The following ARHGEF16 variants were observed in gnomAD, a reference collection of about 807,000 sequenced individuals.
ARHGEF16 encodes the protein Rho guanine exchange factor (GEF) 16.
In ARHGEF16, 59 loss-of-function variants were observed where a neutral mutation model predicts 74.1. The observed-to-expected ratio is 0.80, with a 90% confidence interval of 0.65 to 0.99. The LOEUF (loss-of-function observed/expected upper bound fraction) is 0.99. ARHGEF16 is among the 50% of genes least tolerant of loss of function. The pLI is 0.00. For synonymous variants in ARHGEF16, 415 were observed against 412.6 expected, an observed-to-expected ratio of 1.01 and a Z score of -0.07; for missense variants, 948 against 986.6, an observed-to-expected ratio of 0.96 and a Z score of 0.52.
At chr1:3,457,937 G>A (rs1032664726) in intron 1 of ARHGEF16, among the ~76,000 whole-genome samples, 2 of 152,162 alleles carry the variant, frequency 1.3e-5, no homozygotes, top group Admixed American at 1.3e-4. Flanking sequence ...CCACCCTGAG[G>A]AGAAGCAGCA....
At chr1:3,463,801 C>A in intron 2 of ARHGEF16, 129 bp downstream of exon 2, 2 of 756,524 alleles carry the variant, frequency 2.6e-6, no homozygotes, top group African/African-American at 1.8e-5. Flanking sequence ...CATGAGGGCT[C>A]TCGACTGGTT....
rs953079350 is a variant in ARHGEF16 at position 3,469,037 on chromosome 1, G to C, written c.861+101G>C. 9 of 1,406,136 alleles carry C rather than the reference G, an allele frequency of 6.4e-6. No homozygotes were observed. In the Admixed American group the frequency reaches 9.9e-5, roughly 15 times the overall value. 87.1% of individuals were successfully genotyped at this position (1,406,136 alleles called of 1,614,324 possible). A position where few individuals can be genotyped will look rare whatever the true frequency, so the allele number is the denominator to read the frequency against. On this transcript the variant is annotated intron_variant, in intron 5 of 14. Transcript: ENST00000378378. ...GGTGGCACCACCCAGCCATCCCTCT[G>C]CGGCCACCTCCAGTGCCAGGCCCTG...
At chr1:3,478,384 C>T in intron 11 of ARHGEF16, 40 bp from the exon 12 acceptor site, 1 of 1,549,366 alleles carries the variant, frequency 6.5e-7, no homozygotes, top group Non-Finnish European at 8.8e-7. Context: ...TGGGTAGGAG[C>T]TGGGTGGGAC....
Position 3,466,066 on chromosome 1 carries a change from T to C in ARHGEF16, c.589-82T>C, listed in dbSNP as rs945457739. ...GCTTCGCATGTGGAGCCGAGAGGTC[T>C]CTGGGGTCCCAGGGCAGAATCGCCG... On this transcript the variant is annotated intron_variant, in intron 2 of 14. Transcript: ENST00000378378. The C allele has an allele frequency of 2.7e-6, 4 of 1,479,500 alleles. No homozygotes were observed. In the African/African-American group the frequency reaches 5.7e-5, roughly 21 times the overall value. 91.6% of individuals were successfully genotyped at this position (1,479,500 alleles called of 1,614,324 possible).
chr1:3,479,779 C>T (rs745927885), intron 13 of ARHGEF16, 33 bp from the exon 14 acceptor site: 19 of 1,605,100 alleles, frequency 1.2e-5, no homozygotes, highest in Middle Eastern at 1.7e-4. Flanking sequence ...CCATGCCTCC[C>T]GACAGCCCTG....
chr1:3,467,201 G>T lies in ARHGEF16; in HGVS notation c.668G>T (p.Gly223Val), dbSNP rs1268230976. ...CTCTACCAGGAGATCCAGGAGCGGG[G>T]CCTGAACACCAGCCAGGAGTCTGAT... Reference protein sequence around the residue: ...PQLYQEIQERGLNTSQESDDD... With the variant: ...PQLYQEIQERVLNTSQESDDD... The change falls in exon 4 of 15, where the codon GGC (glycine) becomes GTC (valine). Residue 223 changes from glycine to valine, a missense_variant. By Grantham distance (109) the Gly-to-Val change is moderately radical (BLOSUM62 -3). Transcript: ENST00000378378. 1 of 1,550,650 alleles carries T rather than the reference G, an allele frequency of 6.4e-7. No individual in the cohort carries two copies. The highest frequency in any genetic ancestry group is 8.7e-7 in the Non-Finnish European group (1 of 1,146,870).
intron 4 of ARHGEF16, 122 bp downstream of exon 4, chr1:3,467,459 G>GA: frequency 8.2e-7 from 1 of 1,226,726 alleles, no homozygotes; most frequent in Non-Finnish European, 1.1e-6. Flanking sequence ...TCCCAGGGAG[G>GA]GTGGGCAGCC....
chr1:3,455,279 C>G (rs905671064), intron 1 of ARHGEF16, among the ~76,000 whole-genome samples: 8 of 152,148 alleles, frequency 5.3e-5, no homozygotes, highest in African/African-American at 1.9e-4. Context: ...ACACCCAAAC[C>G]TGCTTTGGCC....
intron 3 of ARHGEF16, 101 bp downstream of exon 3, chr1:3,466,294 G>A: frequency 3.9e-6 from 5 of 1,293,680 alleles, no homozygotes; most frequent in Non-Finnish European, 5.3e-6. Context: ...GGTGTCTCGG[G>A]GTCACCAAAG....
Position 3,478,237 on chromosome 1 carries a change from C to G in ARHGEF16, c.1626-187C>G, listed in dbSNP as rs558197627. 1.0e-5 allele frequency: 9 copies of G among 897,368 alleles called. No homozygotes were observed. The East Asian group carries it at 1.3e-4, about 13-fold the overall frequency. 55.6% of individuals were successfully genotyped at this position (897,368 alleles called of 1,614,324 possible). On this transcript the variant is annotated intron_variant, in intron 11 of 14. Transcript: ENST00000378378. ...ACCTCCTCTGCAGACCTGGGTCTGC[C>G]GGTGATAGCCACGAGGAGGACTCGA...
At chr1:3,477,800 G>C in intron 10 of ARHGEF16, 75 bp from the exon 11 acceptor site, 1 of 1,444,836 alleles carries the variant, frequency 6.9e-7, no homozygotes. Context: ...TTGACCCCCT[G>C]GGGACCTGCT....
In ARHGEF16 at chr1:3,479,559, G is replaced by A; in HGVS notation, c.1857G>A (p.Glu619=). The part of the protein sequence containing the change: ...ARWIVALTHS[E]RQWQGLSSKG... Reference sequence around the variant, plus strand: ...GGATCGTGGCGCTCACACACAGTGAGAGACAGTGGCAGGGCCTCTCCAGCA... The same window carrying A: ...GGATCGTGGCGCTCACACACAGTGAAAGACAGTGGCAGGGCCTCTCCAGCA... The change falls in exon 13 of 15, where the codon GAG becomes GAA. Residue 619 remains glutamate (E), a synonymous_variant. Coordinates refer to ENST00000378378, the MANE Select transcript of ARHGEF16 (RefSeq NM_014448.4). The A allele has an allele frequency of 6.2e-7, 1 of 1,612,628 alleles. No homozygotes were observed. Among genetic ancestry groups the A allele is most frequent in the South Asian group, 1.1e-5 (1 of 91,052 alleles).
chr1:3,477,310 C>G (rs1173205332), intron 10 of ARHGEF16, among the ~76,000 whole-genome samples: 20 of 147,162 alleles, frequency 1.4e-4, no homozygotes, highest in Middle Eastern at 3.6e-3. Flanking sequence ...CCCGTCACCC[C>G]CACACTACCC....
Position 3,476,001 on chromosome 1 carries a change from G to C in ARHGEF16, c.1412G>C (p.Arg471Thr). ...LVRQCNEGAHRMERMEQMYTL... is the reference protein window; with the variant it reads ...LVRQCNEGAHTMERMEQMYTL... ...AGGCAGTGCAACGAGGGGGCCCACA[G>C]GATGGAGCGCATGGAGCAGATGTAC... Residue 471 changes from arginine (R) to threonine (T), a missense_variant, in exon 10 of 15, where the codon AGG (arginine) becomes ACG (threonine). Transcript: ENST00000378378. The C allele has an allele frequency of 6.4e-7, 1 of 1,557,430 alleles. No homozygotes were observed. Among genetic ancestry groups the C allele is most frequent in the Non-Finnish European group, 8.7e-7 (1 of 1,150,640 alleles).
At chr1:3,459,584 A>G (rs1346788707) in intron 1 of ARHGEF16, among the ~76,000 whole-genome samples, 2 of 152,160 alleles carry the variant, frequency 1.3e-5, no homozygotes, top group East Asian at 3.9e-4. Flanking sequence ...GCCCAGGGTG[A>G]GGCCCAGAGC....
At position 3,478,568 on chromosome 1, in the gene ARHGEF16, C is replaced by G; in HGVS notation, c.1770C>G (p.Asn590Lys). The G allele has an allele frequency of 2.5e-6, 4 of 1,612,452 alleles. No homozygotes were observed. The highest frequency in any genetic ancestry group is 3.4e-6 in the Non-Finnish European group (4 of 1,179,762). Residue 590 changes from asparagine (N) to lysine (K), a missense_variant, in exon 12 of 15, where the codon AAC (asparagine) becomes AAG (lysine). Coordinates refer to ENST00000378378, the MANE Select transcript of ARHGEF16 (RefSeq NM_014448.4). ...PHPFQVTLLR[N>K]SEGRQEQLLL... The stretch of plus-strand genomic sequence containing the variant: ...CCTTCCAGGTGACCCTGCTTCGCAA[C>G]AGCGAGGGCCGCCAGGAGCAGCTCC...
chr1:3,468,118 T>A (rs1362090180), intron 4 of ARHGEF16, among the ~76,000 whole-genome samples: 1 of 152,168 alleles, frequency 6.6e-6, no homozygotes, highest in Non-Finnish European at 1.5e-5. Context: ...ACTCTCCTGC[T>A]GGGAGCTGGG....
At chr1:3,475,880 T>C in intron 9 of ARHGEF16, 90 bp from the exon 10 acceptor site, 1 of 1,323,844 alleles carries the variant, frequency 7.6e-7, no homozygotes, top group Non-Finnish European at 1.0e-6. Context: ...AGAGGCTGGC[T>C]GGGCAGGTGT....
chr1:3,458,492 G>A (rs1639315580), intron 1 of ARHGEF16, among the ~76,000 whole-genome samples: 1 of 152,240 alleles, frequency 6.6e-6, no homozygotes, highest in South Asian at 2.1e-4. Context: ...ATGGAAAGAG[G>A]CCACTGTAGA....
Sources: allele counts gnomAD v4.1 joint callset (sites outside exome capture counted in the v4.1 genomes callset), GRCh38; gene constraint gnomAD v4.1.1; transcripts MANE v1.5; gene names NCBI Gene and HGNC (gene_info 2026-07-23, HGNC 2026-07-21).